The following TMEFF1 variants were observed in gnomAD, a reference collection of about 807,000 sequenced individuals.
TMEFF1 encodes the protein tomoregulin-1.
In TMEFF1, 20 loss-of-function variants were observed where a neutral mutation model predicts 47.5. The observed-to-expected ratio is 0.42, with a 90% CI of 0.30 to 0.61. The LOEUF is 0.61. TMEFF1 is among the 20% of genes least tolerant of loss of function. TMEFF1 has a pLI of 0.19. For missense variants in TMEFF1, 411 were observed against 471.1 expected, an observed-to-expected ratio of 0.87 and a Z score of 1.18; for synonymous variants, 162 against 166.3, an observed-to-expected ratio of 0.97 and a Z score of 0.20.
chr9:100,503,052 G>A lies in TMEFF1; in HGVS notation c.306+4178G>A, dbSNP rs1165730010. Among the ~76,000 whole-genome samples, 5 of 152,130 alleles carry A rather than the reference G, an allele frequency of 3.3e-5. No individual in the cohort carries two copies. In the South Asian group the frequency reaches 1.0e-3, roughly 31 times the overall value. On this transcript the variant is annotated intron_variant, in intron 2 of 9. Transcript: ENST00000374879. Reference sequence around the variant, plus strand: ...ATAAATCTGTTCAGGGTAGACTTAGGTTATTGCCAGCTTAAAAATAATGAC... The same window carrying A: ...ATAAATCTGTTCAGGGTAGACTTAGATTATTGCCAGCTTAAAAATAATGAC...
intron 2 of TMEFF1, among the ~76,000 whole-genome samples, chr9:100,506,467 A>G (rs982727603): frequency 6.6e-6 from 1 of 152,096 alleles, no homozygotes; most frequent in Non-Finnish European, 1.5e-5. Context: ...ATACGTTTAA[A>G]AATAGTACAG....
chr9:100,475,151 G>GA (rs1394911407), intron 1 of TMEFF1, among the ~76,000 whole-genome samples: 1 of 152,192 alleles, frequency 6.6e-6, no homozygotes, highest in African/African-American at 2.4e-5. Context: ...TTGGGCTCTT[G>GA]AAGGGGCATT....
chr9:100,508,644 A>G (rs1837906965), intron 2 of TMEFF1, among the ~76,000 whole-genome samples: 1 of 151,178 alleles, frequency 6.6e-6, no homozygotes, highest in Admixed American at 6.6e-5. Flanking sequence ...TTCTATTTTT[A>G]TGATTAGGTT....
intron 1 of TMEFF1, among the ~76,000 whole-genome samples, chr9:100,489,956 A>C: frequency 6.6e-6 from 1 of 151,982 alleles, no homozygotes; most frequent in African/African-American, 2.4e-5. Flanking sequence ...CTTCCATCTG[A>C]TCTTACAGTA....
At chr9:100,527,568 C>T (rs1473801520) in intron 5 of TMEFF1, among the ~76,000 whole-genome samples, 3 of 152,220 alleles carry the variant, frequency 2.0e-5, no homozygotes, top group African/African-American at 4.8e-5. Context: ...GATTATATCC[C>T]GCACCTGGCT....
chr9:100,488,802 C>T (rs1180087542), intron 1 of TMEFF1, among the ~76,000 whole-genome samples: 1 of 151,904 alleles, frequency 6.6e-6, no homozygotes, highest in Admixed American at 6.6e-5. Context: ...GCCAGGGTGT[C>T]CCTCTTAAAA....
intron 5 of TMEFF1, among the ~76,000 whole-genome samples, chr9:100,520,244 C>T (rs977257692): frequency 6.6e-6 from 1 of 152,206 alleles, no homozygotes; most frequent in East Asian, 1.9e-4. Flanking sequence ...CCTGGGAGAT[C>T]TAGGCTGCAG....
chr9:100,489,624 G>T (rs1349471261), intron 1 of TMEFF1, among the ~76,000 whole-genome samples: 1 of 152,172 alleles, frequency 6.6e-6, no homozygotes, highest in Non-Finnish European at 1.5e-5. Flanking sequence ...TCTACCGAGA[G>T]ATAACTGTGG....
chr9:100,566,839 G>C (rs1285936854), intron 8 of TMEFF1, among the ~76,000 whole-genome samples: 2 of 151,904 alleles, frequency 1.3e-5, no homozygotes, highest in Non-Finnish European at 2.9e-5. Context: ...TGAATAGCTG[G>C]GATTACAGGC....
At chr9:100,541,362 T>C (rs1171541516) in intron 5 of TMEFF1, among the ~76,000 whole-genome samples, 2 of 144,470 alleles carry the variant, frequency 1.4e-5, no homozygotes, top group Non-Finnish European at 3.0e-5. Context: ...TTTTTTTTTT[T>C]CTTTCTTTCT....
At chr9:100,564,514 G>A (rs1397216916) in intron 8 of TMEFF1, among the ~76,000 whole-genome samples, 1 of 152,164 alleles carries the variant, frequency 6.6e-6, no homozygotes, top group East Asian at 1.9e-4. Flanking sequence ...GAAAGAGACC[G>A]ACAAATAAGT....
chr9:100,546,101 C>T (rs1838726736), intron 5 of TMEFF1, among the ~76,000 whole-genome samples: 1 of 152,208 alleles, frequency 6.6e-6, no homozygotes, highest in Non-Finnish European at 1.5e-5. Flanking sequence ...GTCACTTCCA[C>T]ATTTTCAAGT....
At chr9:100,529,239 C>T (rs1450228738) in intron 5 of TMEFF1, among the ~76,000 whole-genome samples, 21 of 149,320 alleles carry the variant, frequency 1.4e-4, no homozygotes, top group Non-Finnish European at 4.5e-5. Flanking sequence ...TCACACATAA[C>T]AATATTAACT....
At chr9:100,478,311 CT>C (rs1837272603) in intron 1 of TMEFF1, among the ~76,000 whole-genome samples, 1 of 152,074 alleles carries the variant, frequency 6.6e-6, no homozygotes, top group South Asian at 2.1e-4. Context: ...CTCAACAAGA[CT>C]TTTTTGTTTG....
chr9:100,555,154 TACACACAGACACACACACACAC>T (rs1484091508), intron 7 of TMEFF1, among the ~76,000 whole-genome samples: 3 of 146,010 alleles, frequency 2.1e-5, no homozygotes, highest in Admixed American at 6.9e-5. Context: ...TTTTATATTG[TACACACAGACACACACACACAC>T]ACACACACAC....
intron 7 of TMEFF1, among the ~76,000 whole-genome samples, chr9:100,556,308 G>A (rs1431350413): frequency 1.3e-5 from 2 of 151,852 alleles, no homozygotes; most frequent in Non-Finnish European, 1.5e-5. Flanking sequence ...TTTTCTCTTC[G>A]GAACCCCCAT....
chr9:100,498,786 A>G lies in TMEFF1; in HGVS notation c.218A>G (p.Asp73Gly). Residue 73 changes from aspartate to glycine, a missense_variant, in exon 2 of 10, where the codon GAC becomes GGC. Coordinates refer to ENST00000374879, the MANE Select transcript of TMEFF1 (RefSeq NM_003692.5). ...GCAGAATTAAATGTGAGGGAGTCTGACGTAAGAGTTTGTGATGAGTCATCA... is the reference window on the plus strand; with the variant it reads ...GCAGAATTAAATGTGAGGGAGTCTGGCGTAAGAGTTTGTGATGAGTCATCA... Reference protein sequence around the residue: ...NCSELNVRESDVRVCDESSCK... With the variant: ...NCSELNVRESGVRVCDESSCK... The G allele has an allele frequency of 6.2e-7, 1 of 1,613,550 alleles. No homozygotes were observed. Among genetic ancestry groups the G allele is most frequent in the Admixed American group, 1.7e-5 (1 of 59,800 alleles).
chr9:100,574,125 A>C (rs1839304325), intron 9 of TMEFF1, among the ~76,000 whole-genome samples: 1 of 152,260 alleles, frequency 6.6e-6, no homozygotes, highest in Non-Finnish European at 1.5e-5. Flanking sequence ...ATGTTTGCCC[A>C]GTATGACCAT....
At chr9:100,556,611 G>A (rs1180894714) in intron 7 of TMEFF1, among the ~76,000 whole-genome samples, 1 of 152,288 alleles carries the variant, frequency 6.6e-6, no homozygotes, top group South Asian at 2.1e-4. Context: ...AGAATAAACT[G>A]TATTATGAGT....
Sources: gnomAD v4.1 joint callset for allele counts (sites outside exome capture counted in the v4.1 genomes callset) on GRCh38, gnomAD v4.1.1 for gene constraint, MANE v1.5 for transcripts, NCBI Gene and HGNC (gene_info 2026-07-23, HGNC 2026-07-21) for gene names.